PDE2A: variants seen among roughly 807,000 people sequenced by gnomAD.
PDE2A encodes cGMP-dependent 3',5'-cyclic phosphodiesterase.
PDE2A carries 53 observed loss-of-function variants against 133.6 expected under a neutral mutation model. The observed-to-expected ratio is 0.40, with a 90% CI of 0.32 to 0.50. The LOEUF is 0.50. PDE2A is among the 20% of genes least tolerant of loss of function. The probability of loss-of-function intolerance (pLI) is 0.73; values close to 1 mark genes in which losing one functional copy is unlikely to be tolerated. For synonymous variants in PDE2A, 491 were observed against 490.2 expected (o/e 1.00, Z -0.02); for missense variants, 796 against 1,232.4 (o/e 0.65, Z 5.30).
chr11:72,588,690 C>A, intron 13 of PDE2A, 94 bp downstream of exon 13: 4 of 1,257,372 alleles, frequency 3.2e-6, no homozygotes, highest in Non-Finnish European at 4.4e-6. Flanking sequence ...ACAGTAGCCC[C>A]TGCCCAGTAC....
chr11:72,637,043 C>T (rs1006533803), intron 2 of PDE2A, among the ~76,000 whole-genome samples: 1 of 146,752 alleles, frequency 6.8e-6, no homozygotes. Context: ...AGGCTCTCCT[C>T]CCTCTGTCTG....
intron 27 of PDE2A, 129 bp from the exon 28 acceptor site, chr11:72,579,138 T>A: frequency 1.1e-6 from 1 of 936,578 alleles, no homozygotes; most frequent in Non-Finnish European, 1.7e-6. Context: ...AAGGGGCCAG[T>A]GCTGGGTCTG....
At chr11:72,655,316 T>C (rs565980490) in intron 1 of PDE2A, among the ~76,000 whole-genome samples, 1,449 of 44,050 alleles carry the variant, frequency 0.033, 12 homozygotes, top group Non-Finnish European at 0.048. Context: ...TCCCTGCAGC[T>C]CCCCAGCCAG....
chr11:72,632,774 C>G (rs1042718036), intron 2 of PDE2A, among the ~76,000 whole-genome samples: 4 of 152,096 alleles, frequency 2.6e-5, no homozygotes, highest in Non-Finnish European at 5.9e-5. Flanking sequence ...TCCAGCTCCC[C>G]CCTCACACCT....
intron 1 of PDE2A, chr11:72,652,423 C>T (rs1279507836): frequency 1.3e-5 from 6 of 445,834 alleles, no homozygotes; most frequent in South Asian, 4.7e-5. Flanking sequence ...GGCCTGGCTG[C>T]TTCTGGCAGA....
chr11:72,628,755 C>G (rs928151779), intron 2 of PDE2A, among the ~76,000 whole-genome samples: 15 of 152,368 alleles, frequency 9.8e-5, no homozygotes, highest in African/African-American at 3.4e-4. Flanking sequence ...TCATCTGACC[C>G]TGTGGCTTGT....
chr11:72,610,454 C>T (rs180935177), intron 2 of PDE2A, among the ~76,000 whole-genome samples: 2 of 152,284 alleles, frequency 1.3e-5, no homozygotes, highest in Admixed American at 6.5e-5. Flanking sequence ...CAGGCTTCAG[C>T]TCCAAATTTC....
chr11:72,585,669 G>A, intron 14 of PDE2A, 76 bp from the exon 15 acceptor site: 1 of 1,301,566 alleles, frequency 7.7e-7, no homozygotes, highest in South Asian at 1.3e-5. Context: ...GCCTCCAACA[G>A]CACCCGGGTC....
chr11:72,627,657 GT>G (rs1858151802), intron 2 of PDE2A, among the ~76,000 whole-genome samples: 1 of 152,194 alleles, frequency 6.6e-6, no homozygotes, highest in South Asian at 2.1e-4. Flanking sequence ...AAGGGGTGTG[GT>G]CTTTGTCCCA....
chr11:72,598,998 G>T, intron 4 of PDE2A: 1 of 985,408 alleles, frequency 1.0e-6, no homozygotes, highest in Non-Finnish European at 1.2e-6. Flanking sequence ...GTTTCCTGAT[G>T]ATTAAACTGA....
At chr11:72,611,592 G>A (rs998451778) in intron 2 of PDE2A, among the ~76,000 whole-genome samples, 1 of 152,202 alleles carries the variant, frequency 6.6e-6, no homozygotes, top group African/African-American at 2.4e-5. Flanking sequence ...AGCAGGAAAG[G>A]AAAGTTGGGG....
chr11:72,582,215 G>T, intron 21 of PDE2A: 1 of 610,200 alleles, frequency 1.6e-6, no homozygotes, highest in South Asian at 2.0e-5. Flanking sequence ...CATGCCCTGG[G>T]CATGGTTGGT....
chr11:72,616,133 G>A (rs1435950568), intron 2 of PDE2A, among the ~76,000 whole-genome samples: 2 of 152,186 alleles, frequency 1.3e-5, no homozygotes, highest in Admixed American at 1.3e-4. Context: ...TGTCCCGCTG[G>A]GTCAGTGTCA....
chr11:72,658,673 G>T (rs1373417568), intron 1 of PDE2A, among the ~76,000 whole-genome samples: 2 of 152,086 alleles, frequency 1.3e-5, no homozygotes, highest in Admixed American at 6.5e-5. Flanking sequence ...TCAGGAAAAT[G>T]AACTTTTTTT....
At chr11:72,671,496 GC>G (rs943420943) in intron 1 of PDE2A, among the ~76,000 whole-genome samples, 2 of 146,590 alleles carry the variant, frequency 1.4e-5, no homozygotes, top group Admixed American at 1.3e-4. Context: ...CCCCACCCCC[GC>G]CCCCACCCCC....
At chr11:72,673,124 A>G (rs1294355939) in intron 1 of PDE2A, among the ~76,000 whole-genome samples, 1 of 152,120 alleles carries the variant, frequency 6.6e-6, no homozygotes, top group Non-Finnish European at 1.5e-5. Context: ...TAACAAATAC[A>G]CACACATAAA....
At chr11:72,596,189 C>T (rs950803495) in intron 6 of PDE2A, among the ~76,000 whole-genome samples, 2 of 152,136 alleles carry the variant, frequency 1.3e-5, no homozygotes, top group Non-Finnish European at 2.9e-5. Flanking sequence ...TGGTTCATGC[C>T]CTCCTGGACA....
chr11:72,636,657 G>A (rs1443309823), intron 2 of PDE2A, among the ~76,000 whole-genome samples: 1 of 152,090 alleles, frequency 6.6e-6, no homozygotes, highest in Non-Finnish European at 1.5e-5. Context: ...GGGTGGGGCA[G>A]CATTCTCCTC....
chr11:72,594,108 A>T (rs2135317334), intron 6 of PDE2A, among the ~76,000 whole-genome samples: 1 of 152,280 alleles, frequency 6.6e-6, no homozygotes, highest in Middle Eastern at 3.4e-3. Flanking sequence ...TGTCTTGGTC[A>T]CTTCTGTGTT....
Sources: gnomAD v4.1 joint callset for allele counts (sites outside exome capture counted in the v4.1 genomes callset) on GRCh38, gnomAD v4.1.1 for gene constraint, MANE v1.5 for transcripts, NCBI Gene and HGNC (gene_info 2026-07-23, HGNC 2026-07-21) for gene names.